Variants in EZH1 observed in about 807,000 individuals in gnomAD.
EZH1 encodes the protein histone-lysine N-methyltransferase EZH1.
In EZH1, 33 loss-of-function variants were observed where a neutral mutation model predicts 100.5. That is an observed-to-expected ratio of 0.33 (90% CI 0.25 to 0.44). EZH1 has a LOEUF of 0.44. Ranked by LOEUF, EZH1 falls within the 20% of genes least tolerant of loss-of-function variation. EZH1 has a pLI of 1.00. For missense variants in EZH1, 475 were observed against 928.4 expected, an observed-to-expected ratio of 0.51 and a Z score of 6.35; for synonymous variants, 272 against 313.8, an observed-to-expected ratio of 0.87 and a Z score of 1.41.
chr17:42,707,320 G>A (rs1597824728), intron 15 of EZH1, among the ~76,000 whole-genome samples: 1 of 152,118 alleles, frequency 6.6e-6, no homozygotes, highest in African/African-American at 2.4e-5. Context: ...GAGTGCAGTG[G>A]CACAATCTTG....
intron 2 of EZH1, among the ~76,000 whole-genome samples, chr17:42,729,482 A>C (rs569084239): frequency 1.3e-5 from 2 of 152,104 alleles, no homozygotes; most frequent in East Asian, 3.9e-4. Flanking sequence ...TAATCCCAGC[A>C]CTTTGGGAGG....
At position 42,712,346 on chromosome 17, in the gene EZH1, G is replaced by A. The variant is rs746569221; in HGVS notation, c.1344C>T (p.Thr448=). ...EESLFRVFHG[T]YFNNFCSIAR... ...CTATTGAACAGAAGTTGTTGAAGTAGGTGCCATGGAAGACTCGAAAAAGAG... is the reference window on the plus strand; with the variant it reads ...CTATTGAACAGAAGTTGTTGAAGTAAGTGCCATGGAAGACTCGAAAAAGAG... Residue 448 remains threonine (T), a synonymous_variant, in exon 12 of 21, where the codon ACC becomes ACT. Coordinates refer to ENST00000428826, the MANE Select transcript of EZH1 (RefSeq NM_001991.5). 6 of 1,614,044 alleles carry A rather than the reference G, an allele frequency of 3.7e-6. No individual in the cohort carries two copies. In the Admixed American group the frequency reaches 1.0e-4, roughly 27 times the overall value.
chr17:42,715,752 T>C (rs1303912950), intron 10 of EZH1, among the ~76,000 whole-genome samples: 1 of 151,456 alleles, frequency 6.6e-6, no homozygotes, highest in African/African-American at 2.4e-5. Context: ...TAAAAACGAG[T>C]AAAAAGACAT....
At chr17:42,736,166 T>C (rs1568007247) in intron 1 of EZH1, among the ~76,000 whole-genome samples, 1 of 152,184 alleles carries the variant, frequency 6.6e-6, no homozygotes, top group East Asian at 1.9e-4. Context: ...TAATACAACT[T>C]GTTGGTGAGG....
chr17:42,724,252 A>G lies in EZH1; in HGVS notation c.366+53T>C. The G allele has an allele frequency of 1.9e-6, 3 of 1,604,064 alleles. No individual in the cohort carries two copies. The African/African-American group carries it at 4.0e-5, about 21-fold the overall frequency. On this transcript the variant is annotated intron_variant, in intron 5 of 20. Coordinates refer to ENST00000428826, the MANE Select transcript of EZH1 (RefSeq NM_001991.5). ...CCCTAAGAGGAGCTCTGGCATATCA[A>G]CATAACACAATCATACAGTTTAAAT...
intron 1 of EZH1, 80 bp from the exon 2 acceptor site, chr17:42,730,998 C>T (rs2053936602): frequency 8.7e-6 from 5 of 577,010 alleles, no homozygotes; most frequent in Non-Finnish European, 1.1e-5. Context: ...AGGATTTTCC[C>T]CCAGAATCAG....
At chr17:42,729,665 G>T (rs887474559) in intron 2 of EZH1, among the ~76,000 whole-genome samples, 3 of 151,924 alleles carry the variant, frequency 2.0e-5, no homozygotes, top group Non-Finnish European at 2.9e-5. Context: ...CTTGAACCTG[G>T]GAGGTGGAAG....
intron 7 of EZH1, among the ~76,000 whole-genome samples, chr17:42,719,609 T>C (rs952715926): frequency 2.0e-5 from 3 of 152,276 alleles, no homozygotes; most frequent in South Asian, 4.1e-4. Flanking sequence ...TGGTGGTGCA[T>C]GCCTATAGTC....
intron 12 of EZH1, 34 bp from the exon 13 acceptor site, chr17:42,709,971 C>G (rs146524947): frequency 6.2e-7 from 1 of 1,602,216 alleles, no homozygotes; most frequent in Non-Finnish European, 8.6e-7. Flanking sequence ...TGTCACTCCT[C>G]GAGCAAGGGG....
At chr17:42,732,563 T>A (rs760784614) in intron 1 of EZH1, among the ~76,000 whole-genome samples, 11 of 151,910 alleles carry the variant, frequency 7.2e-5, no homozygotes, top group Non-Finnish European at 1.5e-4. Flanking sequence ...GGTCAGGAGA[T>A]CGAGACTATC....
At chr17:42,738,500 C>T (rs368381278) in intron 1 of EZH1, among the ~76,000 whole-genome samples, 1 of 150,874 alleles carries the variant, frequency 6.6e-6, no homozygotes, top group African/African-American at 2.4e-5. Flanking sequence ...GGATTACAGA[C>T]GTGAGCCACC....
chr17:42,703,035 T>C, intron 19 of EZH1, 74 bp from the exon 20 acceptor site: 2 of 1,434,344 alleles, frequency 1.4e-6, no homozygotes, highest in Non-Finnish European at 2.0e-6. Context: ...TCTGGGTTGA[T>C]TTTCTCCAAA....
At chr17:42,742,540 C>T (rs766746034) in intron 1 of EZH1, among the ~76,000 whole-genome samples, 4 of 152,152 alleles carry the variant, frequency 2.6e-5, no homozygotes, top group East Asian at 1.9e-4. Flanking sequence ...TCAAGTTCCA[C>T]GATTAGCATA....
At chr17:42,723,621 T>C (rs7209643) in intron 5 of EZH1, among the ~76,000 whole-genome samples, 4,911 of 152,186 alleles carry the variant, frequency 0.032, 271 homozygotes, top group African/African-American at 0.11. Flanking sequence ...CAATAAACAA[T>C]AGTAAATAAT....
At position 42,722,691 on chromosome 17, in the gene EZH1, T is replaced by C. The variant is rs867878484; in HGVS notation, c.487+104A>G. The C allele has an allele frequency of 6.6e-5, 75 of 1,135,940 alleles. No individual in the cohort carries two copies. In the Middle Eastern group the frequency reaches 5.7e-3, roughly 87 times the overall value. The allele number at this position is 1,135,940 out of a possible 1,614,324, so 70.4% of individuals were successfully genotyped here. ...TGACATTGAAATATTCTGCAGTGTG[T>C]ACCCCATGGGGCAGAAGATAAAAGC... On this transcript the variant is annotated intron_variant, in intron 6 of 20. Transcript: ENST00000428826.
chr17:42,704,588 A>C lies in EZH1; in HGVS notation c.2017+14T>G. 1 of 1,604,742 alleles carries C rather than the reference A, an allele frequency of 6.2e-7. No individual in the cohort carries two copies. The highest frequency in any genetic ancestry group is 8.5e-7 in the Non-Finnish European group (1 of 1,174,952). On this transcript the variant is annotated intron_variant, in intron 18 of 20. Transcript: ENST00000428826. ...AAAAAGACCACCTTGGGATGAGACAAAGTGACTTCATACCATTATTGAGGT... is the reference window on the plus strand; with the variant it reads ...AAAAAGACCACCTTGGGATGAGACACAGTGACTTCATACCATTATTGAGGT...
intron 16 of EZH1, 31 bp downstream of exon 16, chr17:42,705,976 T>G: frequency 1.3e-6 from 2 of 1,563,578 alleles, no homozygotes; most frequent in Non-Finnish European, 1.7e-6. Context: ...CTCCATTTTA[T>G]GTGGTGTGGG....
At chr17:42,708,955 T>G (rs1567986128) in intron 13 of EZH1, 39 bp from the exon 14 acceptor site, 1 of 1,613,324 alleles carries the variant, frequency 6.2e-7, no homozygotes. Flanking sequence ...GTCACGGCCC[T>G]AGGGAGCTCT....
At chr17:42,740,397 G>A (rs1201284816) in intron 1 of EZH1, among the ~76,000 whole-genome samples, 1 of 152,090 alleles carries the variant, frequency 6.6e-6, no homozygotes, top group East Asian at 1.9e-4. Context: ...AAGCCACCAC[G>A]CCCAGCTAAT....
Sources: allele counts gnomAD v4.1 joint callset (sites outside exome capture counted in the v4.1 genomes callset), GRCh38; gene constraint gnomAD v4.1.1; transcripts MANE v1.5; gene names NCBI Gene and HGNC (gene_info 2026-07-23, HGNC 2026-07-21).